The following GAB1 variants were observed in gnomAD, a reference collection of about 807,000 sequenced individuals.
GAB1 encodes GRB2 associated binding protein 1, also known as GRB2-associated-binding protein 1.
Under a neutral mutation model 66.5 loss-of-function variants are expected in GAB1, and 19 were observed. The ratio of observed to expected loss-of-function variants is 0.29; its 90% CI spans 0.20 to 0.42. The LOEUF is 0.42. GAB1 is among the 10% of genes least tolerant of loss of function. The probability of loss-of-function intolerance (pLI) is 1.00; values close to 1 mark genes in which losing one functional copy is unlikely to be tolerated. For synonymous variants in GAB1, 294 were observed against 301.4 expected (o/e 0.98, Z 0.25); for missense variants, 732 against 858.5 (o/e 0.85, Z 1.84).
At chr4:143,376,076 AACTCCTCGCCCCACACCAGCGCCAGC>A (rs1043704101) in intron 1 of GAB1, among the ~76,000 whole-genome samples, 22 of 151,994 alleles carry the variant, frequency 1.4e-4, no homozygotes, top group South Asian at 1.3e-3. Flanking sequence ...TATCCTGGAG[AACTCCTCGCCCCACACCAGCGCCAGC>A]ACCCCTCCCC....
chr4:143,445,697 T>C (rs1734474105), intron 6 of GAB1, among the ~76,000 whole-genome samples: 1 of 152,164 alleles, frequency 6.6e-6, no homozygotes, highest in Non-Finnish European at 1.5e-5. Context: ...CATTGGATTT[T>C]ATCGAAAGCT....
Position 143,446,097 on chromosome 4 carries a change from T to C in GAB1, c.1585+5715T>C, listed in dbSNP as rs548070734. On this transcript the variant is annotated intron_variant, in intron 6 of 9. Coordinates refer to ENST00000262994, the MANE Select transcript of GAB1 (RefSeq NM_002039.4). ...CTGAGAATGATGATTTCCAATTTCA[T>C]CCATGTCCCTACAAAGGACATGAAC... Among the ~76,000 whole-genome samples, 5 of 152,242 alleles carry C rather than the reference T, an allele frequency of 3.3e-5. No homozygotes were observed. In the East Asian group the frequency reaches 7.7e-4, roughly 24 times the overall value.
chr4:143,462,946 G>A (rs1163938429), intron 8 of GAB1, among the ~76,000 whole-genome samples: 2 of 152,104 alleles, frequency 1.3e-5, no homozygotes, highest in African/African-American at 2.4e-5. Context: ...ACAGGCGTGA[G>A]CCACTGCACC....
At chr4:143,414,212 A>G (rs1478834644) in intron 1 of GAB1, among the ~76,000 whole-genome samples, 1 of 152,168 alleles carries the variant, frequency 6.6e-6, no homozygotes, top group Non-Finnish European at 1.5e-5. Flanking sequence ...TTGCTAAAAT[A>G]GGCCTCTTTT....
chr4:143,337,085 G>A lies in GAB1; in HGVS notation c.-104G>A. 2.1e-6 allele frequency: 2 copies of A among 975,120 alleles called. No individual in the cohort carries two copies. Among genetic ancestry groups the A allele is most frequent in the South Asian group, 1.6e-5 (1 of 62,836 alleles). The allele number at this position is 975,120 out of a possible 1,614,324, so 60.4% of individuals were successfully genotyped here. ...CAGTCCGTCCGGGGTGCGCGACCAG[G>A]AGAGCTAGGTTCTCGCCACTGCGCG... On this transcript the variant is annotated 5_prime_UTR_variant, in exon 1 of 10. Coordinates refer to ENST00000262994, the MANE Select transcript of GAB1 (RefSeq NM_002039.4).
chr4:143,394,669 A>G (rs1018382716), intron 1 of GAB1: 1 of 152,112 alleles, frequency 6.6e-6, no homozygotes, highest in East Asian at 1.9e-4. Flanking sequence ...ATGTTTCTTC[A>G]TGTTTAATAC....
chr4:143,467,531 C>T (rs1578763830), intron 9 of GAB1, among the ~76,000 whole-genome samples: 1 of 152,150 alleles, frequency 6.6e-6, no homozygotes, highest in Non-Finnish European at 1.5e-5. Flanking sequence ...GCTCCTTTTT[C>T]AATATCTGAA....
intron 1 of GAB1, among the ~76,000 whole-genome samples, chr4:143,352,488 AG>A (rs1729269717): frequency 2.6e-5 from 4 of 152,248 alleles, no homozygotes; most frequent in Non-Finnish European, 4.4e-5. Flanking sequence ...ATAGCTTGGC[AG>A]AGTCCTTGTG....
intron 6 of GAB1, among the ~76,000 whole-genome samples, chr4:143,452,389 C>T (rs965129597): frequency 2.6e-5 from 4 of 152,164 alleles, no homozygotes; most frequent in African/African-American, 7.2e-5. Context: ...GAATCATATG[C>T]TGCACGCTCT....
chr4:143,416,188 G>A (rs1005021123), intron 2 of GAB1, among the ~76,000 whole-genome samples: 2 of 151,710 alleles, frequency 1.3e-5, no homozygotes, highest in Admixed American at 6.6e-5. Flanking sequence ...GGTGGATCAC[G>A]AGGTCAGGAG....
intron 1 of GAB1, among the ~76,000 whole-genome samples, chr4:143,355,433 A>T (rs1196659088): frequency 5.6e-5 from 1 of 17,916 alleles, no homozygotes. Flanking sequence ...TTTAAAACAA[A>T]ACAACAACAA....
intron 1 of GAB1, among the ~76,000 whole-genome samples, chr4:143,352,398 TTAGAAGGAAGGCAAA>T (rs1379648996): frequency 6.6e-6 from 1 of 152,224 alleles, no homozygotes; most frequent in Non-Finnish European, 1.5e-5. Context: ...CATGTGTATT[TTAGAAGGAAGGCAAA>T]TAGAAGGAAT....
chr4:143,350,398 GCTGGGCGCAGTGGCTCACCC>G (rs1448835311), intron 1 of GAB1, among the ~76,000 whole-genome samples: 2 of 152,106 alleles, frequency 1.3e-5, no homozygotes, highest in Non-Finnish European at 2.9e-5. Flanking sequence ...TGTGTTTTAG[GCTGGGCGCAGTGGCTCACCC>G]CTGTAATCCC....
chr4:143,442,174 T>C (rs903459364), intron 6 of GAB1, among the ~76,000 whole-genome samples: 6 of 152,254 alleles, frequency 3.9e-5, no homozygotes, highest in East Asian at 1.9e-4. Flanking sequence ...GATTGAGATA[T>C]AAGTGTCATG....
rs1268447512 is a variant in GAB1, at chr4:143,472,322, G to C, written c.*3133G>C. ...TTTAATCATAGACTAAATTTAATTTGATATAGAAATACTACTTTACTTGTA... is the reference window on the plus strand; with the variant it reads ...TTTAATCATAGACTAAATTTAATTTCATATAGAAATACTACTTTACTTGTA... On this transcript the variant is annotated 3_prime_UTR_variant, in exon 10 of 10. Transcript: ENST00000262994. 1 of 152,006 alleles carries C rather than the reference G, an allele frequency of 6.6e-6. No individual in the cohort carries two copies. The highest frequency in any genetic ancestry group is 1.5e-5 in the Non-Finnish European group (1 of 67,998). 9.4% of individuals were successfully genotyped at this position (152,006 alleles called of 1,614,324 possible). A position where few individuals can be genotyped will look rare whatever the true frequency, so the allele number is the denominator to read the frequency against.
intron 1 of GAB1, among the ~76,000 whole-genome samples, chr4:143,364,843 AAAATT>A (rs1173185890): frequency 2.0e-5 from 3 of 151,376 alleles, no homozygotes; most frequent in Non-Finnish European, 4.4e-5. Context: ...AGGGGAGACA[AAAATT>A]AAAGCTCTCC....
At chr4:143,421,787 T>A (rs1733045266) in intron 2 of GAB1, among the ~76,000 whole-genome samples, 3 of 151,024 alleles carry the variant, frequency 2.0e-5, no homozygotes, top group South Asian at 4.2e-4. Flanking sequence ...TCACCTAGAT[T>A]TCTAAAATTC....
intron 1 of GAB1, chr4:143,349,448 C>T (rs899343384): frequency 1.4e-5 from 19 of 1,354,018 alleles, no homozygotes; most frequent in African/African-American, 2.9e-5. Context: ...GTGGCCTTGG[C>T]GAAGTTGCCC....
At chr4:143,394,377 C>T (rs983541246) in intron 1 of GAB1, among the ~76,000 whole-genome samples, 1 of 152,202 alleles carries the variant, frequency 6.6e-6, no homozygotes, top group Non-Finnish European at 1.5e-5. Context: ...TGACATCCCT[C>T]CTTCCCTTGG....
Sources: allele counts gnomAD v4.1 joint callset (sites outside exome capture counted in the v4.1 genomes callset), GRCh38; gene constraint gnomAD v4.1.1; transcripts MANE v1.5; gene names NCBI Gene and HGNC (gene_info 2026-07-23, HGNC 2026-07-21).